Variants in KANK1 observed in about 807,000 individuals in gnomAD.
KANK1 encodes the protein KN motif and ankyrin repeat domain-containing protein 1.
A neutral mutation model predicts 106.2 loss-of-function variants in KANK1; 109 were observed. The ratio of observed to expected loss-of-function variants is 1.03; its 90% CI spans 0.88 to 1.20. The LOEUF (loss-of-function observed/expected upper bound fraction) is 1.20. Ranked by LOEUF, KANK1 falls within the 50% of genes most tolerant of loss-of-function variation. The probability of loss-of-function intolerance (pLI) is 0.00; values close to 1 mark genes in which losing one functional copy is unlikely to be tolerated. For missense variants in KANK1, 2,399 were observed against 1,710.7 expected, an observed-to-expected ratio of 1.40 and a Z score of -7.10; for synonymous variants, 873 against 652.2, an observed-to-expected ratio of 1.34 and a Z score of -5.16.
At chr9:635,197 G>T (rs1195715876) in intron 1 of KANK1, among the ~76,000 whole-genome samples, 1 of 152,014 alleles carries the variant, frequency 6.6e-6, no homozygotes, top group Admixed American at 6.6e-5. Flanking sequence ...TGACCTCATG[G>T]TGACCCTAAA....
intron 1 of KANK1, among the ~76,000 whole-genome samples, chr9:614,294 A>G (rs4534177): frequency 0.36 from 54,314 of 152,134 alleles, 12,452 homozygotes; most frequent in South Asian, 0.58. Flanking sequence ...CATGAAAGCA[A>G]TATGATCTCT....
intron 1 of KANK1, among the ~76,000 whole-genome samples, chr9:535,371 G>C (rs1056582144): frequency 2.0e-5 from 3 of 152,096 alleles, no homozygotes; most frequent in Non-Finnish European, 4.4e-5. Flanking sequence ...GCTTTCCTGT[G>C]GGAGAAAGGA....
chr9:517,382 G>A (rs1282673415), intron 1 of KANK1, among the ~76,000 whole-genome samples: 1 of 151,758 alleles, frequency 6.6e-6, no homozygotes, highest in Non-Finnish European at 1.5e-5. Flanking sequence ...GATCACAGGC[G>A]TGAGCCACTG....
At chr9:555,044 C>T (rs571046962) in intron 1 of KANK1, among the ~76,000 whole-genome samples, 17 of 152,266 alleles carry the variant, frequency 1.1e-4, no homozygotes, top group African/African-American at 3.4e-4. Flanking sequence ...CAAGTTGGCA[C>T]GTGAAATTAA....
At chr9:479,252 A>T (rs192921069) in intron 3 of KANK1, among the ~76,000 whole-genome samples, 1 of 152,098 alleles carries the variant, frequency 6.6e-6, no homozygotes, top group African/African-American at 2.4e-5. Context: ...ATTAGTCAAA[A>T]CTCTTGTCAT....
chr9:648,987 T>G (rs12352349), intron 1 of KANK1, among the ~76,000 whole-genome samples: 46,560 of 152,048 alleles, frequency 0.31, 11,409 homozygotes, highest in African/African-American at 0.65. Context: ...ATCATTTTGT[T>G]GGCATTTATA....
intron 2 of KANK1, among the ~76,000 whole-genome samples, chr9:471,874 G>T (rs972070648): frequency 6.6e-6 from 1 of 152,162 alleles, no homozygotes; most frequent in Non-Finnish European, 1.5e-5. Context: ...TGGTAGGTGG[G>T]TGTTGCTAGC....
chr9:521,726 C>G (rs969271726), intron 1 of KANK1, among the ~76,000 whole-genome samples: 8 of 151,294 alleles, frequency 5.3e-5, no homozygotes, highest in Non-Finnish European at 1.0e-4. Context: ...CGCCACCACG[C>G]GTGGCTGATT....
At chr9:478,998 A>G (rs2058156466) in intron 3 of KANK1, among the ~76,000 whole-genome samples, 1 of 151,582 alleles carries the variant, frequency 6.6e-6, no homozygotes, top group African/African-American at 2.4e-5. Context: ...GCTCACTGCA[A>G]CCTTCGCCTC....
At chr9:562,257 TTAG>T (rs1203235456) in intron 1 of KANK1, among the ~76,000 whole-genome samples, 2 of 151,144 alleles carry the variant, frequency 1.3e-5, no homozygotes, top group Non-Finnish European at 3.0e-5. Context: ...TTTCACCTTG[TTAG>T]CCAGGATGGT....
At chr9:742,625 A>C (rs1171038346) in intron 10 of KANK1, among the ~76,000 whole-genome samples, 1 of 152,198 alleles carries the variant, frequency 6.6e-6, no homozygotes, top group Non-Finnish European at 1.5e-5. Context: ...CAGAATAAAT[A>C]GGCCCTACCC....
intron 2 of KANK1, chr9:707,142 TC>T (rs1210415436): frequency 1.0e-6 from 1 of 985,296 alleles, no homozygotes; most frequent in Non-Finnish European, 1.2e-6. Flanking sequence ...TTGAAACTTC[TC>T]CTCACGGGGT....
chr9:542,559 G>A (rs2060666975), intron 1 of KANK1, among the ~76,000 whole-genome samples: 1 of 152,144 alleles, frequency 6.6e-6, no homozygotes, highest in Non-Finnish European at 1.5e-5. Context: ...CTACTTCTGG[G>A]TATACATCCA....
intron 4 of KANK1, 27 bp from the exon 5 acceptor site, chr9:731,125 GTTTTCA>G (rs1393410985): frequency 7.9e-7 from 1 of 1,272,384 alleles, no homozygotes; most frequent in East Asian, 2.4e-5. Flanking sequence ...ATGGGTGTGA[GTTTTCA>G]TTTTTATTGC....
chr9:507,791 C>T (rs568825091), intron 1 of KANK1, among the ~76,000 whole-genome samples: 3 of 152,076 alleles, frequency 2.0e-5, no homozygotes, highest in Non-Finnish European at 4.4e-5. Context: ...CTCTTGACAT[C>T]GTGATGTGCC....
At chr9:573,074 G>C (rs1469819092) in intron 1 of KANK1, among the ~76,000 whole-genome samples, 2 of 152,158 alleles carry the variant, frequency 1.3e-5, no homozygotes, top group Non-Finnish European at 2.9e-5. Context: ...ATGGAAGAGA[G>C]TCTGACTTGG....
At chr9:680,658 T>A (rs1418661421) in intron 2 of KANK1, among the ~76,000 whole-genome samples, 1 of 152,130 alleles carries the variant, frequency 6.6e-6, no homozygotes, top group African/African-American at 2.4e-5. Flanking sequence ...GGATTGTACA[T>A]TCTAGGGACA....
chr9:635,204 T>G (rs1836793837), intron 1 of KANK1, among the ~76,000 whole-genome samples: 1 of 152,078 alleles, frequency 6.6e-6, no homozygotes, highest in Non-Finnish European at 1.5e-5. Flanking sequence ...ATGGTGACCC[T>G]AAAAAGTCTG....
chr9:567,656 A>G (rs775217632), intron 1 of KANK1, among the ~76,000 whole-genome samples: 30 of 152,366 alleles, frequency 2.0e-4, no homozygotes, highest in Admixed American at 7.2e-4. Flanking sequence ...TAAATGAAAC[A>G]TGTTTGGAAA....
Sources: allele counts gnomAD v4.1 joint callset (sites outside exome capture counted in the v4.1 genomes callset), GRCh38; gene constraint gnomAD v4.1.1; transcripts MANE v1.5; gene names NCBI Gene and HGNC (gene_info 2026-07-23, HGNC 2026-07-21).